CACNG7: variants seen among roughly 807,000 people sequenced by gnomAD.
The protein encoded by CACNG7 is voltage-dependent calcium channel gamma-7 subunit.
Under a neutral mutation model 26.3 loss-of-function variants are expected in CACNG7, and 9 were observed. That is an observed-to-expected ratio of 0.34 (90% CI 0.21 to 0.60). The LOEUF (loss-of-function observed/expected upper bound fraction) is 0.60, where lower values mean the gene tolerates loss of function less well. CACNG7 is among the 20% of genes least tolerant of loss of function. The probability of loss-of-function intolerance (pLI) is 0.81; values close to 1 mark genes in which losing one functional copy is unlikely to be tolerated. For missense variants in CACNG7, 297 were observed against 380.4 expected (o/e 0.78, Z 1.82); for synonymous variants, 170 against 157.0 (o/e 1.08, Z -0.62).
At chr19:53,937,311 C>G (rs1361093261) in intron 4 of CACNG7, among the ~76,000 whole-genome samples, 1 of 152,196 alleles carries the variant, frequency 6.6e-6, no homozygotes, top group African/African-American at 2.4e-5. Flanking sequence ...GGTTAAAGGA[C>G]AGATCCGTGT....
rs1289115412 is a variant in CACNG7 at position 53,909,401 on chromosome 19, C to G, written c.-146C>G. ...GGGACGCCGGGCTCCGGGGCGGGGGCGGGGGGCGCGGGCACCGGCGACCCC... is the reference window on the plus strand; with the variant it reads ...GGGACGCCGGGCTCCGGGGCGGGGGGGGGGGGCGCGGGCACCGGCGACCCC... On this transcript the variant is annotated 5_prime_UTR_variant, in exon 1 of 6. Transcript: ENST00000391767. The surrounding 1 kb of genome is among the most constrained non-coding windows in gnomAD (Gnocchi z 5.1). 7.3e-6 allele frequency: 1 copy of G among 137,384 alleles called. No individual in the cohort carries two copies. The highest frequency in any genetic ancestry group is 1.6e-5 in the Non-Finnish European group (1 of 62,776). 8.5% of individuals were successfully genotyped at this position (137,384 alleles called of 1,614,324 possible).
At chr19:53,924,169 GT>G (rs1423860159) in intron 4 of CACNG7, among the ~76,000 whole-genome samples, 1 of 144,354 alleles carries the variant, frequency 6.9e-6, no homozygotes, top group East Asian at 2.2e-4. Context: ...CATTGGTGGA[GT>G]TGGTCCCAGG....
In CACNG7 at chr19:53,942,671, C is replaced by T. The variant is rs2069146804; in HGVS notation, c.*378C>T. ...CCAGCTCCCCAGAGCTCCCCAACCT[C>T]GGACCTCACCGCAGGGGCGCTGGGC... On this transcript the variant is annotated 3_prime_UTR_variant, in exon 6 of 6. Transcript: ENST00000391767. This position sits in a 1 kb window ranked among gnomAD's most constrained non-coding sequence, Gnocchi z 5.9. 1.3e-6 allele frequency: 1 copy of T among 791,544 alleles called. No homozygotes were observed. The highest frequency in any genetic ancestry group is 1.6e-6 in the Non-Finnish European group (1 of 623,562). 49.0% of individuals were successfully genotyped at this position (791,544 alleles called of 1,614,324 possible).
chr19:53,936,328 G>A (rs1018028066), intron 4 of CACNG7, among the ~76,000 whole-genome samples: 1 of 152,170 alleles, frequency 6.6e-6, no homozygotes, highest in Non-Finnish European at 1.5e-5. Context: ...GGTTAAGGCA[G>A]TATCTGCCAG....
chr19:53,919,198 G>T (rs1204512094), intron 4 of CACNG7, among the ~76,000 whole-genome samples: 1 of 152,216 alleles, frequency 6.6e-6, no homozygotes, highest in Non-Finnish European at 1.5e-5. Context: ...GATTTAAAAG[G>T]AGAAGTTAAG....
chr19:53,910,759 A>C (rs2068857223), intron 1 of CACNG7, among the ~76,000 whole-genome samples: 1 of 152,090 alleles, frequency 6.6e-6, no homozygotes, highest in Admixed American at 6.6e-5. Flanking sequence ...CTAGGTTCCT[A>C]AGTGGAATTG....
chr19:53,927,666 C>T (rs780843588), intron 4 of CACNG7, among the ~76,000 whole-genome samples: 62 of 151,928 alleles, frequency 4.1e-4, no homozygotes, highest in Non-Finnish European at 7.2e-4. Context: ...GGTGAAACCC[C>T]GTCTCTATTA....
intron 4 of CACNG7, among the ~76,000 whole-genome samples, chr19:53,922,557 C>T (rs2068970350): frequency 1.2e-5 from 1 of 86,226 alleles, no homozygotes; most frequent in Admixed American, 9.3e-5. Context: ...GGAGTTGCCC[C>T]AGGTCTGGTC....
intron 4 of CACNG7, among the ~76,000 whole-genome samples, chr19:53,920,407 C>T (rs1175251149): frequency 9.7e-6 from 1 of 102,784 alleles, no homozygotes; most frequent in African/African-American, 5.5e-5. Flanking sequence ...TGGACTTGCC[C>T]CAGGTCTGGT....
intron 4 of CACNG7, among the ~76,000 whole-genome samples, chr19:53,925,484 G>GT (rs113957992): frequency 2.5e-4 from 29 of 116,736 alleles, no homozygotes; most frequent in African/African-American, 9.1e-4. Context: ...GTTGCCCCAG[G>GT]CTGGTCATTG....
At chr19:53,921,397 AG>A (rs1328214524) in intron 4 of CACNG7, among the ~76,000 whole-genome samples, 6 of 136,364 alleles carry the variant, frequency 4.4e-5, no homozygotes, top group Non-Finnish European at 7.7e-5. Context: ...GAGTTGCCCC[AG>A]GTCTGGTCAT....
In CACNG7 at chr19:53,913,472, A is replaced by G. The variant is rs542669973; in HGVS notation, c.196+445A>G. Among the ~76,000 whole-genome samples, 9 of 152,164 alleles carry G rather than the reference A, an allele frequency of 5.9e-5. No individual in the cohort carries two copies. In the South Asian group the frequency reaches 1.9e-3, roughly 32 times the overall value. On this transcript the variant is annotated intron_variant, in intron 2 of 5. Coordinates refer to ENST00000391767, the MANE Select transcript of CACNG7 (RefSeq NM_031896.5). ...CCCCGTCTCTACTAAAAATACAAAA[A>G]TTAGCTGTATGTGGTGGTGCACCCC...
At chr19:53,930,493 CT>C (rs1447242078) in intron 4 of CACNG7, among the ~76,000 whole-genome samples, 1 of 151,704 alleles carries the variant, frequency 6.6e-6, no homozygotes, top group Non-Finnish European at 1.5e-5. Flanking sequence ...CTGCCTCAGC[CT>C]CCCGAGTAGC....
rs929580212 is a variant in CACNG7, at chr19:53,929,919, T to G, written c.425-11551T>G. ...CATAGCAAGTATGTTCTTCATCCAT[T>G]CAAAGAGAATTGACTACTTGATGGA... On this transcript the variant is annotated intron_variant, in intron 4 of 5. Coordinates refer to ENST00000391767, the MANE Select transcript of CACNG7 (RefSeq NM_031896.5). Among the ~76,000 whole-genome samples the G allele has an allele frequency of 6.6e-5, 10 of 152,128 alleles. No individual in the cohort carries two copies. The East Asian group carries it at 1.7e-3, about 26-fold the overall frequency.
intron 4 of CACNG7, among the ~76,000 whole-genome samples, chr19:53,925,942 TG>T (rs113768339): frequency 6.6e-6 from 1 of 152,210 alleles, no homozygotes; most frequent in African/African-American, 2.4e-5. Flanking sequence ...AGACGGGCAT[TG>T]GTTTTTTTCC....
chr19:53,930,465 C>A (rs916751448), intron 4 of CACNG7, among the ~76,000 whole-genome samples: 5 of 152,144 alleles, frequency 3.3e-5, no homozygotes, highest in African/African-American at 1.2e-4. Flanking sequence ...CTCCACCTCC[C>A]AGGTACACAA....
intron 4 of CACNG7, among the ~76,000 whole-genome samples, chr19:53,931,627 G>T: frequency 7.0e-6 from 1 of 143,256 alleles, no homozygotes; most frequent in Admixed American, 7.2e-5. Flanking sequence ...GGTGGAGGTT[G>T]CAGTGAGCTG....
At chr19:53,911,598 C>T (rs143606948) in intron 1 of CACNG7, among the ~76,000 whole-genome samples, 216 of 152,038 alleles carry the variant, frequency 1.4e-3, no homozygotes, top group African/African-American at 5.1e-3. Context: ...GGAGAAGGGA[C>T]GAGGTCCCAG....
chr19:53,935,323 CTTTT>C lies in CACNG7; in HGVS notation c.425-6135_425-6132del, dbSNP rs924568571. Among the ~76,000 whole-genome samples, 23 of 142,258 alleles carry C rather than the reference CTTTT, an allele frequency of 1.6e-4. No individual in the cohort carries two copies. In the Admixed American group the frequency reaches 1.6e-3, roughly 10 times the overall value. 93.3% of individuals were successfully genotyped at this position (142,258 alleles called of 152,430 possible). A position where few individuals can be genotyped will look rare whatever the true frequency, so the allele number is the denominator to read the frequency against. On this transcript the variant is annotated intron_variant, in intron 4 of 5. Transcript: ENST00000391767. ...AATTTCACCAATGTCCCAATACTGT[CTTTT>C]TTTTTTTTTTTAATTGAGACAGTCT...
Sources: allele counts gnomAD v4.1 joint callset (sites outside exome capture counted in the v4.1 genomes callset), GRCh38; gene constraint gnomAD v4.1.1; non-coding constraint Gnocchi (gnomAD v3.1); transcripts MANE v1.5; gene names NCBI Gene and HGNC (gene_info 2026-07-23, HGNC 2026-07-21).